The following SLC3A1 variants were observed in gnomAD, a reference collection of about 807,000 sequenced individuals.
The protein encoded by SLC3A1 is amino acid transporter heavy chain SLC3A1.
A neutral mutation model predicts 60.3 loss-of-function variants in SLC3A1; 78 were observed. That is an observed-to-expected ratio of 1.29 (90% CI 1.08 to 1.56). SLC3A1 has a LOEUF of 1.56. SLC3A1 is among the 40% of genes most tolerant of loss of function. SLC3A1 has a pLI of 0.00. For missense variants in SLC3A1, 1,172 were observed against 858.9 expected (o/e 1.36, Z -4.56); for synonymous variants, 392 against 307.9 (o/e 1.27, Z -2.86).
chr2:44,284,956 T>C (rs1189966968), intron 3 of SLC3A1: 1 of 152,242 alleles, frequency 6.6e-6, no homozygotes, highest in Non-Finnish European at 1.5e-5. Flanking sequence ...AGTAATTATC[T>C]AATTCCTAAT....
chr2:44,319,570 T>C (rs1672747470), intron 9 of SLC3A1: 1 of 152,550 alleles, frequency 6.6e-6, no homozygotes, highest in Admixed American at 6.5e-5. Flanking sequence ...AATTATGTTT[T>C]ATATAGCTGT....
chr2:44,298,444 T>C (rs1198338664), intron 4 of SLC3A1, among the ~76,000 whole-genome samples: 1 of 152,124 alleles, frequency 6.6e-6, no homozygotes, highest in East Asian at 1.9e-4. Context: ...AGTGGCATGA[T>C]CTTGGCTCAC....
At position 44,321,030 on chromosome 2, in the gene SLC3A1, C is replaced by T; in HGVS notation, c.*391C>T. ...CATTTGCTAGCAAAGAGGCAGGACA[C>T]TAATTTGTAAACTGCTCAACTGTTC... On this transcript the variant is annotated 3_prime_UTR_variant, in exon 10 of 10. Transcript: ENST00000260649. 1 of 390,536 alleles carries T rather than the reference C, an allele frequency of 2.6e-6. No individual in the cohort carries two copies. Among genetic ancestry groups the T allele is most frequent in the South Asian group, 2.9e-5 (1 of 34,930 alleles). The allele number at this position is 390,536 out of a possible 1,614,324, so 24.2% of individuals were successfully genotyped here.
At chr2:44,303,772 G>A (rs1672079087) in intron 6 of SLC3A1, 1 of 390,116 alleles carries the variant, frequency 2.6e-6, no homozygotes. Context: ...GATGTTCCCT[G>A]CCCTGTGTCC....
At chr2:44,321,750 C>G, downstream of SLC3A1, 3 of 1,612,188 alleles carry the variant, frequency 1.9e-6, no homozygotes, top group Non-Finnish European at 2.5e-6. Context: ...CATAAACCTG[C>G]TGCAACCACT....
At chr2:44,283,333 C>T (rs987908624) in intron 3 of SLC3A1, among the ~76,000 whole-genome samples, 2 of 152,214 alleles carry the variant, frequency 1.3e-5, no homozygotes, top group Non-Finnish European at 2.9e-5. Flanking sequence ...GCAGTTTCAC[C>T]TCTTTTTTTC....
chr2:44,316,412 G>T (rs1423153034), intron 9 of SLC3A1: 3 of 152,158 alleles, frequency 2.0e-5, no homozygotes, highest in Non-Finnish European at 4.4e-5. Context: ...TTAGTGTGCT[G>T]AAAAATTGAT....
At chr2:44,317,453 T>C (rs544977945) in intron 9 of SLC3A1, among the ~76,000 whole-genome samples, 303 of 76,586 alleles carry the variant, frequency 4.0e-3, no homozygotes, top group African/African-American at 0.017. Context: ...CAGAGGGAGA[T>C]TGTGTCAAAA....
At chr2:44,292,361 GATA>G (rs1043520721) in intron 4 of SLC3A1, among the ~76,000 whole-genome samples, 4 of 152,088 alleles carry the variant, frequency 2.6e-5, no homozygotes, top group African/African-American at 9.7e-5. Context: ...CTCTATGCTT[GATA>G]ATAATAATTG....
intron 4 of SLC3A1, among the ~76,000 whole-genome samples, chr2:44,296,124 T>C (rs1014624899): frequency 1.3e-5 from 2 of 152,204 alleles, no homozygotes; most frequent in Non-Finnish European, 2.9e-5. Flanking sequence ...GAGGTGCCTT[T>C]CTTTGCCCCA....
chr2:44,301,711 C>G (rs1672014302), intron 6 of SLC3A1, among the ~76,000 whole-genome samples: 1 of 134,428 alleles, frequency 7.4e-6, no homozygotes, highest in Non-Finnish European at 1.5e-5. Context: ...TGCACTCCAG[C>G]CTGGGCGACA....
At position 44,275,783 on chromosome 2, in the gene SLC3A1, G is replaced by C. The variant is rs375663080; in HGVS notation, c.248G>C (p.Arg83Pro). The change falls in exon 1 of 10, where the codon CGC becomes CCC. Residue 83 changes from arginine to proline, a missense_variant. Arg to Pro is a moderately radical substitution (Grantham distance 103). Transcript: ENST00000260649. ...CAGTTCTCTGGCCAGGCCCGCTACC[G>C]CATACCTCGGGAGATCCTCTTCTGG... ...LFQFSGQARY[R>P]IPREILFWLT... 6.2e-7 allele frequency: 1 copy of C among 1,614,230 alleles called. No homozygotes were observed. The highest frequency in any genetic ancestry group is 8.5e-7 in the Non-Finnish European group (1 of 1,180,036).
chr2:44,299,881 A>C, intron 4 of SLC3A1, 90 bp from the exon 5 acceptor site: 1 of 1,318,760 alleles, frequency 7.6e-7, no homozygotes. Flanking sequence ...CTGTTTTATG[A>C]TGCCAAGTTG....
At chr2:44,286,302 A>C (rs1671611144) in intron 4 of SLC3A1, 145 bp downstream of exon 4, 1 of 786,382 alleles carries the variant, frequency 1.3e-6, no homozygotes, top group Admixed American at 2.2e-5. Flanking sequence ...AACACTTTAT[A>C]TTGCACAATA....
intron 3 of SLC3A1, 39 bp from the exon 4 acceptor site, chr2:44,285,993 A>G: frequency 6.2e-7 from 1 of 1,613,246 alleles, no homozygotes; most frequent in Non-Finnish European, 8.5e-7. Flanking sequence ...GGGCAATACC[A>G]TTATAGGTCA....
chr2:44,312,839 ATCTC>A lies in SLC3A1; in HGVS notation c.1500+90_1500+93del, dbSNP rs3217485. The A allele has an allele frequency of 7.0e-5, 75 of 1,064,150 alleles. 1 individual carries two copies. In the East Asian group the frequency reaches 1.9e-3, roughly 26 times the overall value. 65.9% of individuals were successfully genotyped at this position (1,064,150 alleles called of 1,614,324 possible). A position where few individuals can be genotyped will look rare whatever the true frequency, so the allele number is the denominator to read the frequency against. On this transcript the variant is annotated intron_variant, in intron 8 of 9. Coordinates refer to ENST00000260649, the MANE Select transcript of SLC3A1 (RefSeq NM_000341.4). ...TTTTTGCCAAATCAGAGAACTTACT[ATCTC>A]TCTATTGCATTGCTGAAAATCATGG...
chr2:44,312,892 G>A lies in SLC3A1; in HGVS notation c.1500+139G>A, dbSNP rs1020227178. ...GGTTACTTTGCTTTTCTTTCTTACT[G>A]TTAGTAAGAATTCTCAGCTTTCTTG... is the stretch of plus-strand genomic sequence containing the variant. On this transcript the variant is annotated intron_variant, in intron 8 of 9. Coordinates refer to ENST00000260649, the MANE Select transcript of SLC3A1 (RefSeq NM_000341.4). The A allele has an allele frequency of 7.1e-6, 5 of 705,542 alleles. No individual in the cohort carries two copies. The African/African-American group carries it at 7.3e-5, about 10-fold the overall frequency. 43.7% of individuals were successfully genotyped at this position (705,542 alleles called of 1,614,324 possible). A position where few individuals can be genotyped will look rare whatever the true frequency, so the allele number is the denominator to read the frequency against.
chr2:44,307,010 C>T lies in SLC3A1; in HGVS notation c.1332+2672C>T, dbSNP rs1476523095. ...CAATAACTGCGCATGGCCCCTCCCT[C>T]TCTGTCCTCAGTCTCTGGCAACCAC... On this transcript the variant is annotated intron_variant, in intron 7 of 9. Transcript: ENST00000260649. Among the ~76,000 whole-genome samples the T allele has an allele frequency of 2.0e-5, 3 of 152,244 alleles. 1 individual carries two copies. The highest frequency in any genetic ancestry group is 4.4e-5 in the Non-Finnish European group (3 of 68,038).
chr2:44,318,394 AAAATTTGTTTTTAATAGAAGACACAAG>A (rs1214862256), intron 9 of SLC3A1: 3 of 176,300 alleles, frequency 1.7e-5, no homozygotes, highest in African/African-American at 7.2e-5. Flanking sequence ...CCTGGCCTGC[AAAATTTGTTTTTAATAGAAGACACAAG>A]AAATGATTTA....
Sources: allele counts gnomAD v4.1 joint callset (sites outside exome capture counted in the v4.1 genomes callset), GRCh38; gene constraint gnomAD v4.1.1; transcripts MANE v1.5; gene names NCBI Gene and HGNC (gene_info 2026-07-23, HGNC 2026-07-21).